The following CUEDC1 variants were observed in gnomAD, a reference collection of about 807,000 sequenced individuals.
The protein encoded by CUEDC1 is CUE domain-containing protein 1.
CUEDC1 carries 30 observed loss-of-function variants against 43.7 expected under a neutral mutation model. The ratio of observed to expected loss-of-function variants is 0.69; its 90% confidence interval spans 0.51 to 0.93. The LOEUF (loss-of-function observed/expected upper bound fraction) is 0.93. CUEDC1 is among the 40% of genes least tolerant of loss of function. CUEDC1 has a pLI of 0.00. For synonymous variants in CUEDC1, 223 were observed against 223.6 expected (o/e 1.00, Z 0.02); for missense variants, 486 against 549.0 (o/e 0.89, Z 1.15).
intron 1 of CUEDC1, among the ~76,000 whole-genome samples, chr17:57,901,287 A>C (rs1434625165): frequency 2.6e-5 from 4 of 152,234 alleles, no homozygotes; most frequent in Non-Finnish European, 4.4e-5. Context: ...CTAGGTTCCC[A>C]GCTGGTCCAC....
At chr17:57,908,690 C>G (rs1436806726) in intron 1 of CUEDC1, among the ~76,000 whole-genome samples, 2 of 152,182 alleles carry the variant, frequency 1.3e-5, no homozygotes, top group Non-Finnish European at 2.9e-5. Context: ...AGAAAGAAGA[C>G]AGGTAGCTTT....
At chr17:57,935,417 A>ACACC in intron 1 of CUEDC1, among the ~76,000 whole-genome samples, 1 of 151,456 alleles carries the variant, frequency 6.6e-6, no homozygotes, top group African/African-American at 2.4e-5. Flanking sequence ...ACACACACAC[A>ACACC]CACACCCTGT....
At chr17:57,909,956 A>G (rs2074566527) in intron 1 of CUEDC1, among the ~76,000 whole-genome samples, 1 of 152,130 alleles carries the variant, frequency 6.6e-6, no homozygotes, top group Admixed American at 6.6e-5. Flanking sequence ...CTAGCAACAC[A>G]ATGACTGGGT....
chr17:57,864,627 C>A (rs1434886876), intron 10 of CUEDC1, among the ~76,000 whole-genome samples: 2 of 152,064 alleles, frequency 1.3e-5, no homozygotes, highest in African/African-American at 4.8e-5. Context: ...ATGGGAGGGG[C>A]TGTCAGCCTG....
intron 9 of CUEDC1, 171 bp downstream of exon 9, chr17:57,867,186 A>T (rs1233070990): frequency 7.7e-6 from 5 of 650,674 alleles, no homozygotes; most frequent in African/African-American, 1.8e-5. Flanking sequence ...GAAAGGGGGA[A>T]GCAATGTCGA....
Position 57,873,615 on chromosome 17 carries a change from C to T in CUEDC1, c.567G>A (p.Leu189=), listed in dbSNP as rs745691752. 6.3e-7 allele frequency: 1 copy of T among 1,598,074 alleles called. No individual in the cohort carries two copies. ...GNLPDDFLRI[L]PQQLDSIQGN... ...CCTGTATGCTGTCCAGCTGCTGGGG[C>T]AGGATGCGGAGAAAGTCATCCGGAA... Residue 189 remains leucine (L), a synonymous_variant, in exon 4 of 11, where the codon CTG becomes CTA. Coordinates refer to ENST00000577830, the MANE Select transcript of CUEDC1 (RefSeq NM_001271875.2).
intron 1 of CUEDC1, among the ~76,000 whole-genome samples, chr17:57,943,233 G>A (rs1034555162): frequency 2.6e-5 from 4 of 152,140 alleles, no homozygotes; most frequent in Non-Finnish European, 5.9e-5. Flanking sequence ...CCACTAGCAC[G>A]AACCGCCAAG....
At chr17:57,945,610 T>G (rs2074953115) in intron 1 of CUEDC1, among the ~76,000 whole-genome samples, 1 of 152,220 alleles carries the variant, frequency 6.6e-6, no homozygotes, top group Non-Finnish European at 1.5e-5. Context: ...CTGTGTGATT[T>G]CACAAAATGA....
rs760596062 is a variant in CUEDC1 at position 57,871,369 on chromosome 17, T to A, written c.785A>T (p.Asp262Val). ...TTTCTGGGATTCGTATTTCAATCGA[T>A]CTGGAAAAGGACCACATTCACAGGT... ...NRDFLLALERDRLKYESQKSK... is the reference protein window; with the variant it reads ...NRDFLLALERVRLKYESQKSK... The change falls in exon 6 of 11, where the codon GAT becomes GTT. Residue 262 changes from aspartate to valine, a missense_variant and splice_region_variant. By Grantham distance (152) the Asp-to-Val change is radical (BLOSUM62 -3). Coordinates refer to ENST00000577830, the MANE Select transcript of CUEDC1 (RefSeq NM_001271875.2). 1.2e-6 allele frequency: 2 copies of A among 1,613,398 alleles called. No homozygotes were observed. The highest frequency in any genetic ancestry group is 2.2e-5 in the South Asian group (2 of 91,050).
intron 1 of CUEDC1, among the ~76,000 whole-genome samples, chr17:57,918,578 G>T (rs536509052): frequency 6.6e-6 from 1 of 152,322 alleles, no homozygotes; most frequent in East Asian, 1.9e-4. Flanking sequence ...AGCTGACACA[G>T]GGACACCTGT....
intron 5 of CUEDC1, among the ~76,000 whole-genome samples, chr17:57,872,134 A>T (rs1048019701): frequency 5.3e-5 from 8 of 151,792 alleles, no homozygotes; most frequent in South Asian, 2.1e-4. Context: ...CCCCAAACGC[A>T]CTCCCACCCT....
intron 1 of CUEDC1, among the ~76,000 whole-genome samples, chr17:57,932,206 C>T (rs906775339): frequency 1.1e-4 from 16 of 149,164 alleles, no homozygotes; most frequent in African/African-American, 3.5e-4. Flanking sequence ...CTCTTGAACC[C>T]GGGAGGTGGA....
chr17:57,873,217 G>A (rs774789539), intron 4 of CUEDC1, among the ~76,000 whole-genome samples: 11 of 152,174 alleles, frequency 7.2e-5, no homozygotes, highest in East Asian at 1.9e-4. Context: ...GACCTGCCCC[G>A]CTGTGGGGCA....
chr17:57,885,360 C>A lies in CUEDC1; in HGVS notation c.205G>T (p.Val69Leu). Reference sequence around the variant, plus strand: ...ACAGCGCCGCTGTTGGCGCGCAGCACGCATTCGATGATGTCGTAATCCATG... The same window carrying A: ...ACAGCGCCGCTGTTGGCGCGCAGCAAGCATTCGATGATGTCGTAATCCATG... ...PNMDYDIIEC[V>L]LRANSGAVDA... Residue 69 changes from valine to leucine, a missense_variant, in exon 2 of 11, where the codon GTG (valine) becomes TTG (leucine). Coordinates refer to ENST00000577830, the MANE Select transcript of CUEDC1 (RefSeq NM_001271875.2). The A allele has an allele frequency of 5.6e-6, 9 of 1,612,282 alleles. No individual in the cohort carries two copies. Among genetic ancestry groups the A allele is most frequent in the Non-Finnish European group, 7.6e-6 (9 of 1,179,766 alleles).
In CUEDC1 at chr17:57,916,800, C is replaced by T. The variant is rs529289949; in HGVS notation, c.-315-30921G>A. Among the ~76,000 whole-genome samples, 3 of 152,312 alleles carry T rather than the reference C, an allele frequency of 2.0e-5. No individual in the cohort carries two copies. The East Asian group carries it at 5.8e-4, about 29-fold the overall frequency. On this transcript the variant is annotated intron_variant, in intron 1 of 10. Transcript: ENST00000577830. ...TGAGCACTTACTTTACAAAAGGATT[C>T]CTTGCTTGACTAAGGGATTCCTTCA... is the stretch of plus-strand genomic sequence containing the variant.
chr17:57,924,415 C>T (rs1333677598), intron 1 of CUEDC1, among the ~76,000 whole-genome samples: 1 of 142,220 alleles, frequency 7.0e-6, no homozygotes, highest in Admixed American at 6.8e-5. Context: ...CTTCCGGCTT[C>T]TTTACGTTGC....
rs1424351557 is a variant in CUEDC1, at chr17:57,885,772, G to C, written c.-208C>G. The C allele has an allele frequency of 1.4e-5, 9 of 659,456 alleles. No homozygotes were observed. Among genetic ancestry groups the C allele is most frequent in the Non-Finnish European group, 1.9e-5 (9 of 464,122 alleles). The allele number at this position is 659,456 out of a possible 1,614,324, so 40.9% of individuals were successfully genotyped here. On this transcript the variant is annotated 5_prime_UTR_variant, in exon 2 of 11. Transcript: ENST00000577830. ...CGGGGCCCCAGGCAGCCCTTGGAGA[G>C]CGGTCCTCGCGGGGCGGTGGCATGC...
At chr17:57,929,953 C>A (rs1005761880) in intron 1 of CUEDC1, among the ~76,000 whole-genome samples, 2 of 152,198 alleles carry the variant, frequency 1.3e-5, no homozygotes, top group African/African-American at 4.8e-5. Flanking sequence ...AGGCAGGCAC[C>A]ACCACGCCCA....
intron 4 of CUEDC1, 40 bp from the exon 5 acceptor site, chr17:57,872,895 G>C (rs1184806840): frequency 1.3e-6 from 2 of 1,571,456 alleles, no homozygotes; most frequent in Non-Finnish European, 1.7e-6. Context: ...GTACACACAA[G>C]GGTACATGTT....
Sources: gnomAD v4.1 joint callset for allele counts (sites outside exome capture counted in the v4.1 genomes callset) on GRCh38, gnomAD v4.1.1 for gene constraint, MANE v1.5 for transcripts, NCBI Gene and HGNC (gene_info 2026-07-23, HGNC 2026-07-21) for gene names.